Variants in NPM3 observed in about 807,000 individuals in gnomAD.
NPM3 encodes nucleoplasmin-3.
In NPM3, 12 loss-of-function variants were observed where a neutral mutation model predicts 18.1. The ratio of observed to expected loss-of-function variants is 0.66; its 90% CI spans 0.42 to 1.07. The LOEUF (loss-of-function observed/expected upper bound fraction) is 1.07, where lower values mean the gene tolerates loss of function less well. Ranked by LOEUF, NPM3 falls within the 50% of genes least tolerant of loss-of-function variation. The pLI, the probability that NPM3 is intolerant of heterozygous loss-of-function variation, is 0.00. For missense variants in NPM3, 274 were observed against 232.1 expected (o/e 1.18, Z -1.17); for synonymous variants, 116 against 93.7 (o/e 1.24, Z -1.38).
At chr10:101,782,128 T>A (rs1564635483) in intron 4 of NPM3, 130 bp downstream of exon 4, 4 of 922,830 alleles carry the variant, frequency 4.3e-6, no homozygotes, top group Non-Finnish European at 6.7e-6. Context: ...GGGCACAGCG[T>A]GGAGGGCACA....
intron 4 of NPM3, 57 bp from the exon 5 acceptor site, chr10:101,781,911 C>G: frequency 6.2e-7 from 1 of 1,613,830 alleles, no homozygotes; most frequent in Non-Finnish European, 8.5e-7. Context: ...CGTTTCACAC[C>G]GCATGCCATT....
intron 1 of NPM3, 104 bp downstream of exon 1, chr10:101,783,169 A>G: frequency 1.0e-6 from 1 of 955,176 alleles, no homozygotes; most frequent in Non-Finnish European, 1.6e-6. Flanking sequence ...ACAGCGAAGC[A>G]GCCCTCCGCC....
At chr10:101,782,261 T>A (rs2065146906) in exon 4 of NPM3, 1 of 1,613,150 alleles carries the variant, frequency 6.2e-7, no homozygotes, top group African/African-American at 1.3e-5. Context: ...TTCTCACCAA[T>A]CTGGTGCCGC....
chr10:101,781,841 A>G (rs1227839536), exon 5 of NPM3: 1 of 1,614,088 alleles, frequency 6.2e-7, no homozygotes, highest in Non-Finnish European at 8.5e-7. Context: ...CAGAAACATC[A>G]TTGCTCATCG....
At chr10:101,782,726 CG>C (rs1564635737) in intron 2 of NPM3, 112 bp downstream of exon 2, 4 of 1,574,134 alleles carry the variant, frequency 2.5e-6, no homozygotes, top group Non-Finnish European at 2.6e-6. Context: ...CCGCCCATGC[CG>C]GGGGGTTAGG....
At chr10:101,783,160 C>G (rs896054129) in intron 1 of NPM3, 113 bp downstream of exon 1, 2 of 916,270 alleles carry the variant, frequency 2.2e-6, no homozygotes, top group African/African-American at 1.7e-5. Context: ...CCTGCGGGAA[C>G]AGCGAAGCAG....
chr10:101,783,298 C>G, exon 1 of NPM3: 1 of 1,610,824 alleles, frequency 6.2e-7, no homozygotes, highest in Non-Finnish European at 8.5e-7. Flanking sequence ...CCATAGTGAC[C>G]GGGGCCGGGA....
chr10:101,782,333 G>C, exon 4 of NPM3: 10 of 1,613,944 alleles, frequency 6.2e-6, no homozygotes, highest in Non-Finnish European at 8.5e-6. Flanking sequence ...GGTTGGAGCT[G>C]GAAGTCATCC....
intron 1 of NPM3, 141 bp from the exon 2 acceptor site, chr10:101,783,065 G>A: frequency 1.2e-6 from 1 of 832,416 alleles, no homozygotes; most frequent in Non-Finnish European, 1.9e-6. Context: ...CAGAACACCT[G>A]GGACGCTCTG....
intron 1 of NPM3, among the ~76,000 whole-genome samples, 157 bp downstream of exon 1, chr10:101,783,116 C>CACCCCCTTTGGCTGTGCGTGCGAG: frequency 6.6e-6 from 1 of 152,044 alleles, no homozygotes; most frequent in Non-Finnish European, 1.5e-5. Flanking sequence ...GGGATCTCGC[C>CACCCCCTTTGGCTGTGCGTGCGAG]ACCCCCTTTG....
chr10:101,783,385 G>A (rs781411854), exon 1 of NPM3: 17 of 1,606,230 alleles, frequency 1.1e-5, no homozygotes, highest in Admixed American at 5.1e-5. Flanking sequence ...CAGTACCGGC[G>A]GCCATGCTGT....
intron 4 of NPM3, 102 bp downstream of exon 4, chr10:101,782,155 TG>T: frequency 9.3e-7 from 1 of 1,075,876 alleles, no homozygotes; most frequent in South Asian, 1.4e-5. Context: ...TGTACAGGGC[TG>T]CACTGGGAGA....
In NPM3 at chr10:101,782,617, C is replaced by A; in HGVS notation, c.205-20G>T. ...GCAGAGCTGGGAACGGTACACAGGG[C>A]CTCAGGGTCTCCTCAAGTGAGGGTT... On this transcript the variant is annotated intron_variant, in intron 2 of 5. Coordinates refer to ENST00000370110, the Ensembl canonical transcript of NPM3. The A allele has an allele frequency of 6.2e-7, 1 of 1,613,124 alleles. No homozygotes were observed. The highest frequency in any genetic ancestry group is 8.5e-7 in the Non-Finnish European group (1 of 1,179,958).
In NPM3 at chr10:101,781,810, C is replaced by A; in HGVS notation, c.463G>T (p.Glu155Ter). 1 of 1,614,168 alleles carries A rather than the reference C, an allele frequency of 6.2e-7. No individual in the cohort carries two copies. The highest frequency in any genetic ancestry group is 2.2e-5 in the East Asian group (1 of 44,878). ...ACTTCTTCCTCATCACTGTCCTCTT[C>A]CTCTTCCTCGCTCTCCTCCTCAGAA... Residue 155 changes from glutamate (E) to a stop codon, truncating the protein, a stop_gained, in exon 5 of 6, where the codon GAA becomes TAA. Coordinates refer to ENST00000370110, the Ensembl canonical transcript of NPM3. LOFTEE classifies it high-confidence loss of function.
At chr10:101,782,162 G>C (rs1215538125) in intron 4 of NPM3, 96 bp downstream of exon 4, 6 of 1,123,936 alleles carry the variant, frequency 5.3e-6, no homozygotes, top group Admixed American at 4.0e-5. Flanking sequence ...GGCTGCACTG[G>C]GAGATGAGGG....
At chr10:101,782,332 T>C (rs1345735993) in exon 4 of NPM3, 2 of 1,613,754 alleles carry the variant, frequency 1.2e-6, no homozygotes, top group South Asian at 1.1e-5. Flanking sequence ...TGGTTGGAGC[T>C]GGAAGTCATC....
Position 101,782,871 on chromosome 10 carries a change from C to CCTCT in NPM3, c.168_171dup (p.Asp58ArgfsTer3), listed in dbSNP as rs1564635798. On this transcript the variant is annotated frameshift_variant, in exon 2 of 6. Coordinates refer to ENST00000370110, the Ensembl canonical transcript of NPM3. LOFTEE classifies it high-confidence loss of function. Reference sequence around the variant, plus strand: ...AGTGCCAGCACGTGCTCCGCATCATCCTCTTCCTCTACCTTAAAGGTGAAG... The same window carrying CCTCT: ...AGTGCCAGCACGTGCTCCGCATCATCCTCTCTCTTCCTCTACCTTAAAGGTGAAG... 1 of 1,614,208 alleles carries CCTCT rather than the reference C, an allele frequency of 6.2e-7. No individual in the cohort carries two copies.
intron 4 of NPM3, 46 bp from the exon 5 acceptor site, chr10:101,781,900 C>A: frequency 3.1e-6 from 5 of 1,613,904 alleles, no homozygotes; most frequent in Non-Finnish European, 4.2e-6. Flanking sequence ...TAAGACCAGA[C>A]CGTTTCACAC....
chr10:101,782,295 G>C, exon 4 of NPM3: 1 of 1,614,058 alleles, frequency 6.2e-7, no homozygotes, highest in Non-Finnish European at 8.5e-7. Context: ...CAGGGCCAGA[G>C]CCCGACTTCA....
Sources: gnomAD v4.1 joint callset for allele counts (sites outside exome capture counted in the v4.1 genomes callset) on GRCh38, gnomAD v4.1.1 for gene constraint, MANE v1.5 for transcripts, NCBI Gene and HGNC (gene_info 2026-07-23, HGNC 2026-07-21) for gene names.